Variants in GABRA2 observed in about 807,000 individuals in gnomAD.
GABRA2 encodes gamma-aminobutyric acid receptor subunit alpha-2.
A neutral mutation model predicts 48.7 loss-of-function variants in GABRA2; 16 were observed. That is an observed-to-expected ratio of 0.33 (90% CI 0.22 to 0.50). GABRA2 has a LOEUF of 0.50. Among genes scored for constraint, GABRA2 ranks in the 20% least tolerant of loss-of-function variants. The pLI, the probability that GABRA2 is intolerant of heterozygous loss-of-function variation, is 0.98. For synonymous variants in GABRA2, 185 were observed against 184.5 expected (o/e 1.00, Z -0.02); for missense variants, 275 against 535.6 (o/e 0.51, Z 4.80).
intron 8 of GABRA2, among the ~76,000 whole-genome samples, chr4:46,287,622 A>C (rs1294359856): frequency 3.7e-5 from 4 of 107,024 alleles, no homozygotes; most frequent in South Asian, 3.3e-4. Flanking sequence ...CACTCTGGGG[A>C]CTGTTGTGGG....
At chr4:46,252,561 C>T (rs888500924) in intron 9 of GABRA2, among the ~76,000 whole-genome samples, 2 of 151,452 alleles carry the variant, frequency 1.3e-5, no homozygotes, top group African/African-American at 4.8e-5. Context: ...AGCGCTCAAA[C>T]TTAGATGTAT....
intron 1 of GABRA2, chr4:46,389,502 G>T (rs1051246046): frequency 1.5e-6 from 1 of 663,090 alleles, no homozygotes; most frequent in African/African-American, 2.0e-5. Flanking sequence ...AAAGAGCCAG[G>T]CTAACGTGCT....
chr4:46,257,947 G>C (rs1209414593), intron 9 of GABRA2, among the ~76,000 whole-genome samples: 1 of 151,674 alleles, frequency 6.6e-6, no homozygotes, highest in African/African-American at 2.4e-5. Context: ...GAATAACTAG[G>C]TATGGGCAGT....
intron 8 of GABRA2, among the ~76,000 whole-genome samples, chr4:46,288,878 C>A (rs566548568): frequency 1.6e-5 from 2 of 124,890 alleles, no homozygotes; most frequent in Admixed American, 8.2e-5. Flanking sequence ...GGAAAAAAAA[C>A]AATGAAAGTA....
intron 8 of GABRA2, among the ~76,000 whole-genome samples, chr4:46,280,183 T>C (rs1721264029): frequency 6.6e-6 from 1 of 151,958 alleles, no homozygotes; most frequent in African/African-American, 2.4e-5. Context: ...AAAAATAGAT[T>C]AGGGCCAGGG....
chr4:46,350,918 G>A (rs188624684), intron 3 of GABRA2, among the ~76,000 whole-genome samples: 262 of 151,930 alleles, frequency 1.7e-3, no homozygotes, highest in African/African-American at 5.9e-3. Flanking sequence ...TGGTGTAGGA[G>A]GTAAGAGATA....
At chr4:46,375,983 G>A (rs903457682) in intron 3 of GABRA2, among the ~76,000 whole-genome samples, 1 of 152,164 alleles carries the variant, frequency 6.6e-6, no homozygotes, top group Non-Finnish European at 1.5e-5. Context: ...AACTTCAATA[G>A]AATGTTCTTA....
intron 3 of GABRA2, among the ~76,000 whole-genome samples, chr4:46,361,153 G>A (rs1008287024): frequency 1.3e-5 from 2 of 152,168 alleles, no homozygotes; most frequent in Non-Finnish European, 2.9e-5. Context: ...TAGTAATGAG[G>A]AGCCCAATGT....
At chr4:46,339,794 G>A (rs1732904644) in intron 3 of GABRA2, among the ~76,000 whole-genome samples, 1 of 151,588 alleles carries the variant, frequency 6.6e-6, no homozygotes, top group African/African-American at 2.4e-5. Context: ...TTCAGTTTTT[G>A]GTGTTCTGTA....
chr4:46,338,731 T>C (rs993859279), intron 3 of GABRA2, among the ~76,000 whole-genome samples: 3 of 151,918 alleles, frequency 2.0e-5, no homozygotes, highest in Admixed American at 2.0e-4. Context: ...TTCCTCTCTG[T>C]TCCTATCCAT....
intron 3 of GABRA2, chr4:46,365,203 T>C (rs1236495034): frequency 6.6e-6 from 1 of 152,180 alleles, no homozygotes; most frequent in Non-Finnish European, 1.5e-5. Context: ...ATTCTCCTGT[T>C]TGGTTCTGTA....
intron 8 of GABRA2, among the ~76,000 whole-genome samples, chr4:46,278,840 G>C (rs2109450108): frequency 6.6e-6 from 1 of 152,050 alleles, no homozygotes; most frequent in South Asian, 2.1e-4. Context: ...GTTAACAGTA[G>C]AGATTAGACG....
chr4:46,355,604 C>T (rs959202629), intron 3 of GABRA2, among the ~76,000 whole-genome samples: 1 of 152,156 alleles, frequency 6.6e-6, no homozygotes, highest in African/African-American at 2.4e-5. Flanking sequence ...TTTAGCACTT[C>T]CTGCAGGGAA....
chr4:46,358,199 T>C (rs559030344), intron 3 of GABRA2, among the ~76,000 whole-genome samples: 14 of 152,106 alleles, frequency 9.2e-5, no homozygotes, highest in Non-Finnish European at 1.5e-4. Flanking sequence ...ATTAATGCAG[T>C]TTTTTTCTCT....
intron 3 of GABRA2, among the ~76,000 whole-genome samples, chr4:46,335,882 T>C (rs767538195): frequency 6.6e-6 from 1 of 152,190 alleles, no homozygotes; most frequent in African/African-American, 2.4e-5. Flanking sequence ...TAAGTCTCAG[T>C]TTAAATGGTC....
At chr4:46,286,038 C>A (rs1048685805) in intron 8 of GABRA2, among the ~76,000 whole-genome samples, 3 of 152,032 alleles carry the variant, frequency 2.0e-5, no homozygotes, top group Non-Finnish European at 4.4e-5. Flanking sequence ...CAACCACTGT[C>A]TTTCTCTAGT....
At chr4:46,307,852 C>T (rs1726966483) in intron 6 of GABRA2, among the ~76,000 whole-genome samples, 1 of 152,066 alleles carries the variant, frequency 6.6e-6, no homozygotes, top group Admixed American at 6.6e-5. Context: ...AATAATGCAG[C>T]AGAAATTTAT....
At chr4:46,358,766 T>C (rs1284718166) in intron 3 of GABRA2, among the ~76,000 whole-genome samples, 1 of 152,230 alleles carries the variant, frequency 6.6e-6, no homozygotes, top group African/African-American at 2.4e-5. Flanking sequence ...AGCAATCTTC[T>C]ATCAGAGAGT....
At chr4:46,379,186 G>A (rs1716411020) in intron 3 of GABRA2, among the ~76,000 whole-genome samples, 1 of 152,170 alleles carries the variant, frequency 6.6e-6, no homozygotes, top group Admixed American at 6.5e-5. Context: ...GTCACAAAAA[G>A]CTGTACCTAA....
Sources: allele counts gnomAD v4.1 joint callset (sites outside exome capture counted in the v4.1 genomes callset), GRCh38; gene constraint gnomAD v4.1.1; transcripts MANE v1.5; gene names NCBI Gene and HGNC (gene_info 2026-07-23, HGNC 2026-07-21).